The following PHACTR1 variants were observed in gnomAD, a reference collection of about 807,000 sequenced individuals.
PHACTR1 encodes phosphatase and actin regulator 1.
In PHACTR1, 16 loss-of-function variants were observed where a neutral mutation model predicts 69.2. The ratio of observed to expected loss-of-function variants is 0.23; its 90% CI spans 0.16 to 0.35. PHACTR1 has a LOEUF of 0.35. Ranked by LOEUF, PHACTR1 falls within the 10% of genes least tolerant of loss-of-function variation. PHACTR1 has a pLI of 1.00. For synonymous variants in PHACTR1, 312 were observed against 284.5 expected (o/e 1.10, Z -0.97); for missense variants, 510 against 734.7 (o/e 0.69, Z 3.54).
chr6:13,198,148 G>A (rs1764692572), intron 7 of PHACTR1, among the ~76,000 whole-genome samples: 1 of 152,188 alleles, frequency 6.6e-6, no homozygotes, highest in Non-Finnish European at 1.5e-5. Context: ...TATGCACTAG[G>A]CTTAGTTCAT....
At chr6:13,193,359 A>ATATG (rs1271690516) in intron 7 of PHACTR1, among the ~76,000 whole-genome samples, 1 of 89,270 alleles carries the variant, frequency 1.1e-5, no homozygotes, top group African/African-American at 4.7e-5. Flanking sequence ...CTCTCTGTGT[A>ATATG]TATATATATA....
intron 4 of PHACTR1, among the ~76,000 whole-genome samples, chr6:12,784,530 G>GTGT: frequency 6.6e-6 from 1 of 150,632 alleles, no homozygotes; most frequent in African/African-American, 2.5e-5. Context: ...ACATATACAT[G>GTGT]ATATGTACAT....
chr6:13,040,707 C>A (rs1486737621), intron 4 of PHACTR1, among the ~76,000 whole-genome samples: 3 of 152,160 alleles, frequency 2.0e-5, no homozygotes, highest in African/African-American at 7.2e-5. Context: ...CGGTTATAAG[C>A]AATCAACACT....
intron 5 of PHACTR1, among the ~76,000 whole-genome samples, chr6:13,100,482 G>T (rs1346091436): frequency 1.3e-5 from 2 of 152,058 alleles, no homozygotes; most frequent in African/African-American, 4.8e-5. Context: ...CTCTCCACTC[G>T]CTCACCTCCA....
intron 5 of PHACTR1, among the ~76,000 whole-genome samples, chr6:13,102,478 T>C (rs555043151): frequency 6.6e-6 from 1 of 152,338 alleles, no homozygotes; most frequent in South Asian, 2.1e-4. Flanking sequence ...TTTATAATTA[T>C]AAATGAAAGA....
intron 4 of PHACTR1, among the ~76,000 whole-genome samples, chr6:12,770,082 A>G (rs1769187972): frequency 6.6e-6 from 1 of 152,222 alleles, no homozygotes; most frequent in South Asian, 2.1e-4. Flanking sequence ...GCAGGGTATG[A>G]GTCAGTGAAG....
intron 4 of PHACTR1, among the ~76,000 whole-genome samples, chr6:12,988,048 A>C (rs987016784): frequency 1.1e-4 from 16 of 152,214 alleles, no homozygotes; most frequent in African/African-American, 3.4e-4. Context: ...CTGTGGGAAC[A>C]GTCAACTTAG....
At chr6:13,230,250 T>A in intron 10 of PHACTR1, 57 bp downstream of exon 10, 1 of 1,569,678 alleles carries the variant, frequency 6.4e-7, no homozygotes, top group African/African-American at 1.4e-5. Flanking sequence ...CTCCAGGTTC[T>A]AGCAAAAGAA....
At chr6:12,917,468 G>A (rs1236695015) in intron 4 of PHACTR1, among the ~76,000 whole-genome samples, 1 of 152,166 alleles carries the variant, frequency 6.6e-6, no homozygotes, top group Non-Finnish European at 1.5e-5. Flanking sequence ...TAAATGACAA[G>A]CAGGCCAGGC....
At chr6:13,024,032 G>A (rs534485178) in intron 4 of PHACTR1, among the ~76,000 whole-genome samples, 2 of 151,460 alleles carry the variant, frequency 1.3e-5, no homozygotes, top group East Asian at 3.9e-4. Flanking sequence ...AGCTGAGATC[G>A]AGCCACTGCA....
intron 4 of PHACTR1, among the ~76,000 whole-genome samples, chr6:13,050,457 A>G (rs1805775181): frequency 6.6e-6 from 1 of 152,194 alleles, no homozygotes; most frequent in Non-Finnish European, 1.5e-5. Context: ...TCAATCACTC[A>G]GCATAAAATC....
At chr6:12,959,409 T>C (rs1451124571) in intron 4 of PHACTR1, among the ~76,000 whole-genome samples, 1 of 151,694 alleles carries the variant, frequency 6.6e-6, no homozygotes, top group Non-Finnish European at 1.5e-5. Context: ...TCCCATCTCT[T>C]CTGATGCTCA....
chr6:12,820,205 A>G (rs577108482), intron 4 of PHACTR1, among the ~76,000 whole-genome samples: 113 of 152,268 alleles, frequency 7.4e-4, no homozygotes, highest in Non-Finnish European at 1.3e-3. Context: ...TTTTTGAGAT[A>G]GAGTCTCGCT....
At chr6:13,110,835 G>A (rs1816918276) in intron 5 of PHACTR1, among the ~76,000 whole-genome samples, 1 of 152,134 alleles carries the variant, frequency 6.6e-6, no homozygotes, top group Non-Finnish European at 1.5e-5. Context: ...ACAGTCGAAG[G>A]TCAGATCTGG....
In PHACTR1 at chr6:12,737,398, T is replaced by TACACAC. The variant is rs3071780; in HGVS notation, c.104-12229_104-12224dup. 5.0e-3 allele frequency among the ~76,000 whole-genome samples: 741 copies of TACACAC among 149,482 alleles called. 2 individuals are homozygous for TACACAC. Among genetic ancestry groups the TACACAC allele is most frequent in the South Asian group, 0.011 (50 of 4,682 alleles). ...TATATACAGAGGAGATATTGTTTTATACACACACACACACACACACACGCA... is the reference window on the plus strand; with the variant it reads ...TATATACAGAGGAGATATTGTTTTATACACACACACACACACACACACACACACGCA... On this transcript the variant is annotated intron_variant, in intron 3 of 14. Transcript: ENST00000332995.
intron 4 of PHACTR1, among the ~76,000 whole-genome samples, chr6:12,782,103 C>T (rs1241965907): frequency 1.3e-5 from 2 of 152,118 alleles, no homozygotes; most frequent in African/African-American, 4.8e-5. Context: ...CTTGGTCTGG[C>T]TCAATGTTTT....
intron 4 of PHACTR1, among the ~76,000 whole-genome samples, chr6:12,755,033 A>G (rs9395098): frequency 1.3e-5 from 2 of 152,104 alleles, no homozygotes. Context: ...AATGGGAAGC[A>G]CTTTCCCATA....
chr6:12,949,947 G>A (rs778797336), intron 4 of PHACTR1, among the ~76,000 whole-genome samples: 14 of 152,180 alleles, frequency 9.2e-5, no homozygotes, highest in African/African-American at 3.1e-4. Context: ...CACCCCTGCC[G>A]TCTCACACCT....
At chr6:12,904,905 A>G (rs1785564480) in intron 4 of PHACTR1, among the ~76,000 whole-genome samples, 1 of 152,178 alleles carries the variant, frequency 6.6e-6, no homozygotes, top group African/African-American at 2.4e-5. Context: ...AGGTATGCAA[A>G]GTCCCTGGCA....
Sources: gnomAD v4.1 joint callset for allele counts (sites outside exome capture counted in the v4.1 genomes callset) on GRCh38, gnomAD v4.1.1 for gene constraint, MANE v1.5 for transcripts, NCBI Gene and HGNC (gene_info 2026-07-23, HGNC 2026-07-21) for gene names.